Variants in RUNX1T1 observed in about 807,000 individuals in gnomAD.
RUNX1T1 encodes the protein protein CBFA2T1.
RUNX1T1 carries 4 observed loss-of-function variants against 62.8 expected under a neutral mutation model. That is an observed-to-expected ratio of 0.06 (90% CI 0.03 to 0.15). The LOEUF is 0.15. Among genes scored for constraint, RUNX1T1 ranks in the 10% least tolerant of loss-of-function variants. RUNX1T1 has a pLI of 1.00. For synonymous variants in RUNX1T1, 291 were observed against 286.0 expected (o/e 1.02, Z -0.18); for missense variants, 508 against 754.3 (o/e 0.67, Z 3.82).
intron 1 of RUNX1T1, among the ~76,000 whole-genome samples, chr8:92,018,422 C>CT (rs1365154387): frequency 6.6e-6 from 1 of 152,210 alleles, no homozygotes; most frequent in Non-Finnish European, 1.5e-5. Flanking sequence ...ATCAGAGTCT[C>CT]TATTTTTGGT....
intron 1 of RUNX1T1, among the ~76,000 whole-genome samples, chr8:92,094,401 T>C (rs1586019056): frequency 1.3e-5 from 2 of 152,352 alleles, no homozygotes; most frequent in East Asian, 3.9e-4. Context: ...CAATAAGACA[T>C]GTTTTCTCCT....
intron 1 of RUNX1T1, 190 bp from the exon 3 acceptor site, chr8:92,017,553 A>AT: frequency 6.8e-7 from 1 of 1,462,502 alleles, no homozygotes; most frequent in Non-Finnish European, 9.0e-7. Context: ...TATAGCACAG[A>AT]TGGCAGGACC....
At chr8:92,001,495 A>G (rs2130985099) in intron 5 of RUNX1T1, among the ~76,000 whole-genome samples, 1 of 152,366 alleles carries the variant, frequency 6.6e-6, no homozygotes, top group East Asian at 1.9e-4. Flanking sequence ...AGGAGGAAAT[A>G]CATATTAATC....
rs908576155 is a variant in RUNX1T1, at chr8:91,990,520, C to T, written c.910+1119G>A. Among the ~76,000 whole-genome samples, 11 of 152,192 alleles carry T rather than the reference C, an allele frequency of 7.2e-5. 1 individual carries two copies. The highest frequency in any genetic ancestry group is 1.5e-4 in the Non-Finnish European group (10 of 68,046). On this transcript the variant is annotated intron_variant, in intron 6 of 10. Coordinates refer to ENST00000396218, the Ensembl canonical transcript of RUNX1T1. ...TGTACTTACTGATAACCCTCTGATACACTATCATCTCCACCACTGAACCAC... is the reference window on the plus strand; with the variant it reads ...TGTACTTACTGATAACCCTCTGATATACTATCATCTCCACCACTGAACCAC...
At chr8:92,056,607 G>A (rs899997027) in intron 1 of RUNX1T1, among the ~76,000 whole-genome samples, 1 of 150,952 alleles carries the variant, frequency 6.6e-6, no homozygotes, top group African/African-American at 2.4e-5. Flanking sequence ...AAAATCAACT[G>A]CTTTTTTTTT....
chr8:92,027,135 G>C (rs111966117), intron 1 of RUNX1T1, among the ~76,000 whole-genome samples: 31,684 of 140,734 alleles, frequency 0.23, 3,764 homozygotes, highest in African/African-American at 0.3. Context: ...AAAAAAAAAA[G>C]AAAAACAAAC....
intron 1 of RUNX1T1, among the ~76,000 whole-genome samples, chr8:92,092,345 T>C (rs900007602): frequency 1.6e-4 from 25 of 152,206 alleles, no homozygotes; most frequent in Admixed American, 6.5e-5. Flanking sequence ...TTTTTCTCTA[T>C]GTGGTGCTTT....
intron 2 of RUNX1T1, chr8:92,071,101 A>G (rs938811798): frequency 6.6e-6 from 1 of 152,254 alleles, no homozygotes; most frequent in African/African-American, 2.4e-5. Context: ...ATTACTGTGC[A>G]AATATTATTT....
chr8:92,054,171 T>C (rs972405853), intron 1 of RUNX1T1, among the ~76,000 whole-genome samples: 4 of 151,474 alleles, frequency 2.6e-5, no homozygotes, highest in Non-Finnish European at 5.9e-5. Flanking sequence ...CACTTAAGCA[T>C]GTGTTTTATT....
At chr8:91,958,101 C>G (rs1160182390), downstream of RUNX1T1, 1 of 110,220 alleles carries the variant, frequency 9.1e-6, no homozygotes. Context: ...CCTCCCCCCA[C>G]CCCCCGCCCC....
At chr8:92,038,653 A>G (rs1427282018) in intron 1 of RUNX1T1, among the ~76,000 whole-genome samples, 1 of 152,180 alleles carries the variant, frequency 6.6e-6, no homozygotes, top group East Asian at 1.9e-4. Context: ...GGTTGCATTC[A>G]TCTCAAAGAC....
chr8:91,986,971 C>T (rs751118196), exon 7 of RUNX1T1: 2 of 1,605,404 alleles, frequency 1.2e-6, no homozygotes, highest in Non-Finnish European at 1.7e-6. Context: ...TGCCATGCAA[C>T]CCTACAAAAA....
intron 3 of RUNX1T1, among the ~76,000 whole-genome samples, chr8:92,012,260 C>T (rs1822095216): frequency 1.3e-5 from 2 of 152,086 alleles, no homozygotes; most frequent in African/African-American, 2.4e-5. Flanking sequence ...ACAGTACTTC[C>T]GGTCCAGTGC....
chr8:92,052,994 C>T (rs1019025437), intron 1 of RUNX1T1, among the ~76,000 whole-genome samples: 2 of 152,018 alleles, frequency 1.3e-5, no homozygotes, highest in Non-Finnish European at 2.9e-5. Context: ...AAGTATCTGC[C>T]GAATTAGCAA....
intron 1 of RUNX1T1, chr8:92,095,394 C>G (rs1837646252): frequency 6.5e-7 from 1 of 1,535,442 alleles, no homozygotes; most frequent in Admixed American, 2.0e-5. Flanking sequence ...AGGCGGCACC[C>G]AGACCGCGGC....
intron 1 of RUNX1T1, among the ~76,000 whole-genome samples, chr8:92,044,908 T>C (rs1829122343): frequency 6.6e-6 from 1 of 152,088 alleles, no homozygotes; most frequent in African/African-American, 2.4e-5. Context: ...TTAATTCCAC[T>C]ATGAGGAAGC....
exon 1 of RUNX1T1, chr8:92,062,781 G>C (rs974603333): frequency 3.5e-5 from 52 of 1,500,290 alleles, no homozygotes; most frequent in Non-Finnish European, 4.6e-5. Flanking sequence ...AGGATGACAG[G>C]AGCACATGTG....
intron 8 of RUNX1T1, chr8:91,979,871 C>A (rs1814828149): frequency 1.9e-6 from 1 of 531,280 alleles, no homozygotes. Flanking sequence ...AGCAATGTGA[C>A]CTCATATGAC....
downstream of RUNX1T1, chr8:91,955,596 A>G (rs2130315897): frequency 4.4e-6 from 1 of 226,424 alleles, no homozygotes; most frequent in South Asian, 1.8e-4. Context: ...CAGCTGGCAC[A>G]AGAAGGAAAC....
Sources: gnomAD v4.1 joint callset for allele counts (sites outside exome capture counted in the v4.1 genomes callset) on GRCh38, gnomAD v4.1.1 for gene constraint, MANE v1.5 for transcripts, NCBI Gene and HGNC (gene_info 2026-07-23, HGNC 2026-07-21) for gene names.